PDE3A: variants seen among roughly 807,000 people sequenced by gnomAD.
The protein encoded by PDE3A is cGMP-inhibited 3',5'-cyclic phosphodiesterase 3A.
A neutral mutation model predicts 98.3 loss-of-function variants in PDE3A; 43 were observed. The ratio of observed to expected loss-of-function variants is 0.44; its 90% CI spans 0.34 to 0.56. PDE3A has a LOEUF of 0.56. PDE3A is among the 20% of genes least tolerant of loss of function. The pLI is 0.01. For synonymous variants in PDE3A, 663 were observed against 567.9 expected, an observed-to-expected ratio of 1.17 and a Z score of -2.38; for missense variants, 1,427 against 1,440.7, an observed-to-expected ratio of 0.99 and a Z score of 0.15.
In PDE3A at chr12:20,685,793, C is replaced by T. The variant is rs1297448702; in HGVS notation, c.*5522C>T. 6.6e-6 allele frequency among the ~76,000 whole-genome samples: 1 copy of T among 152,046 alleles called. No homozygotes were observed. Among genetic ancestry groups the T allele is most frequent in the African/African-American group, 2.4e-5 (1 of 41,398 alleles). ...ACAGATAAAAAATGTTGAACATGTT[C>T]ATGTTCTGACAATGAAGCAATGATT... is the stretch of plus-strand genomic sequence containing the variant. On this transcript the variant is annotated 3_prime_UTR_variant, in exon 16 of 16. Coordinates refer to ENST00000359062, the MANE Select transcript of PDE3A (RefSeq NM_000921.5).
intron 10 of PDE3A, among the ~76,000 whole-genome samples, chr12:20,641,495 C>T (rs190162023): frequency 1.3e-5 from 2 of 152,046 alleles, no homozygotes; most frequent in Non-Finnish European, 2.9e-5. Flanking sequence ...AAGGAAGACA[C>T]TAAAAACACT....
chr12:20,391,275 A>T (rs1828641813), intron 1 of PDE3A, among the ~76,000 whole-genome samples: 1 of 151,246 alleles, frequency 6.6e-6, no homozygotes, highest in South Asian at 2.1e-4. Context: ...TTGTACAGTT[A>T]ATATATGTGT....
chr12:20,672,920 A>G (rs1371634052), intron 15 of PDE3A, among the ~76,000 whole-genome samples: 1 of 144,772 alleles, frequency 6.9e-6, no homozygotes, highest in African/African-American at 2.6e-5. Context: ...GCAACCTACA[A>G]AATGGGAGAA....
At chr12:20,661,450 G>A (rs1945168373) in intron 15 of PDE3A, among the ~76,000 whole-genome samples, 2 of 152,232 alleles carry the variant, frequency 1.3e-5, no homozygotes, top group South Asian at 4.1e-4. Flanking sequence ...TGGGGAAAAT[G>A]TCTCCAGTAT....
chr12:20,598,563 TG>T (rs1565443796), intron 2 of PDE3A, among the ~76,000 whole-genome samples: 2 of 152,172 alleles, frequency 1.3e-5, no homozygotes, highest in Non-Finnish European at 2.9e-5. Flanking sequence ...CCCCCTCAAA[TG>T]TTTACACTGT....
chr12:20,611,898 T>A (rs11045329), intron 2 of PDE3A, among the ~76,000 whole-genome samples: 1,869 of 149,760 alleles, frequency 0.012, 37 homozygotes, highest in African/African-American at 0.039. Context: ...TAATGAAATT[T>A]AAAAAAAAAA....
chr12:20,552,593 G>A lies in PDE3A; in HGVS notation c.961-4067G>A. On this transcript the variant is annotated intron_variant, in intron 1 of 15. Coordinates refer to ENST00000359062, the MANE Select transcript of PDE3A (RefSeq NM_000921.5). The surrounding 1 kb of genome is among the most constrained non-coding windows in gnomAD (Gnocchi z 5.1). ...TGGAAGCGGAAGTCGGCAGGAGGTG[G>A]CCCGAGCAGGGCCGGGTCCCCGCGC... The A allele has an allele frequency of 2.5e-6, 4 of 1,613,802 alleles. No homozygotes were observed. The highest frequency in any genetic ancestry group is 3.4e-6 in the Non-Finnish European group (4 of 1,179,838).
chr12:20,479,269 G>C (rs1161344505), intron 1 of PDE3A, among the ~76,000 whole-genome samples: 1 of 152,200 alleles, frequency 6.6e-6, no homozygotes. Context: ...ATCAAATGTA[G>C]TGTAGTCTAC....
At chr12:20,632,756 C>A (rs1205054551) in intron 6 of PDE3A, among the ~76,000 whole-genome samples, 1 of 151,880 alleles carries the variant, frequency 6.6e-6, no homozygotes, top group Non-Finnish European at 1.5e-5. Flanking sequence ...TCAAAATGCA[C>A]CCCTCTTTTG....
intron 1 of PDE3A, among the ~76,000 whole-genome samples, chr12:20,530,392 C>T (rs1458899769): frequency 1.3e-5 from 2 of 151,908 alleles, no homozygotes; most frequent in Admixed American, 1.3e-4. Flanking sequence ...GTATACATTT[C>T]ATGAGATAAA....
At chr12:20,513,864 G>A (rs1423716163) in intron 1 of PDE3A, among the ~76,000 whole-genome samples, 1 of 152,128 alleles carries the variant, frequency 6.6e-6, no homozygotes, top group Non-Finnish European at 1.5e-5. Flanking sequence ...AAATATTTCT[G>A]AATTTAATAC....
chr12:20,556,665 G>A lies in PDE3A; in HGVS notation c.966G>A (p.Met322Ile), dbSNP rs1565588137. 1.3e-6 allele frequency: 2 copies of A among 1,589,630 alleles called. No homozygotes were observed. Among genetic ancestry groups the A allele is most frequent in the Non-Finnish European group, 1.7e-6 (2 of 1,158,048 alleles). Residue 322 changes from methionine (M) to isoleucine (I), a missense_variant, in exon 2 of 16, where the codon ATG (methionine) becomes ATA (isoleucine). This residue lies in a region of PDE3A where 1,012 missense variants were observed against 886.5 expected (regional missense o/e 1.14). Transcript: ENST00000359062. ...TATAATTTTCATCTTTCCAGCTCAT[G>A]GGGCATTCAGAATGGGACCACAAAC... is the stretch of plus-strand genomic sequence containing the variant. ...SLPCIPREQLMGHSEWDHKRG... is the reference protein window; with the variant it reads ...SLPCIPREQLIGHSEWDHKRG...
At chr12:20,442,497 G>C (rs540384080) in intron 1 of PDE3A, among the ~76,000 whole-genome samples, 18 of 152,166 alleles carry the variant, frequency 1.2e-4, no homozygotes, top group Non-Finnish European at 2.2e-4. Context: ...TGGTAGTGAT[G>C]CATACCACTT....
intron 1 of PDE3A, among the ~76,000 whole-genome samples, chr12:20,403,765 A>G (rs1944176927): frequency 6.6e-6 from 1 of 152,164 alleles, no homozygotes; most frequent in African/African-American, 2.4e-5. Context: ...CTGAGCTTCA[A>G]ATAAAAACAA....
intron 1 of PDE3A, among the ~76,000 whole-genome samples, chr12:20,555,645 G>C (rs181377724): frequency 6.6e-6 from 1 of 152,268 alleles, no homozygotes. Flanking sequence ...TTGAAATCTA[G>C]TTAAACCTGA....
intron 8 of PDE3A, 36 bp downstream of exon 8, chr12:20,635,092 A>G: frequency 3.2e-6 from 5 of 1,561,098 alleles, no homozygotes; most frequent in Non-Finnish European, 4.4e-6. Context: ...CATTTACTTG[A>G]GAGATGAGCT....
intron 1 of PDE3A, among the ~76,000 whole-genome samples, chr12:20,548,265 T>A (rs913398759): frequency 7.9e-5 from 12 of 151,992 alleles, no homozygotes; most frequent in South Asian, 6.2e-4. Flanking sequence ...TTAAAAAAAA[T>A]TTTTTTTAGA....
chr12:20,609,424 T>C (rs1292269433), intron 2 of PDE3A, among the ~76,000 whole-genome samples: 1 of 151,968 alleles, frequency 6.6e-6, no homozygotes, highest in African/African-American at 2.4e-5. Context: ...CAGAAATATA[T>C]AGAAAAATAT....
chr12:20,479,324 G>A (rs1945582721), intron 1 of PDE3A, among the ~76,000 whole-genome samples: 1 of 152,166 alleles, frequency 6.6e-6, no homozygotes. Context: ...GGGACTGATG[G>A]ACTGCTCTCT....
Sources: gnomAD v4.1 joint callset for allele counts (sites outside exome capture counted in the v4.1 genomes callset) on GRCh38, gnomAD v4.1.1 for gene constraint, gnomAD v4.1.1 regional missense constraint, Gnocchi (gnomAD v3.1) non-coding constraint, MANE v1.5 for transcripts, NCBI Gene and HGNC (gene_info 2026-07-23, HGNC 2026-07-21) for gene names.